ZFAND3: variants seen among roughly 807,000 people sequenced by gnomAD.
ZFAND3 encodes the protein zinc finger AN1-type containing 3, also known as AN1-type zinc finger protein 3.
ZFAND3 carries 10 observed loss-of-function variants against 29.6 expected under a neutral mutation model. That is an observed-to-expected ratio of 0.34 (90% confidence interval 0.21 to 0.57). The LOEUF (loss-of-function observed/expected upper bound fraction) is 0.57. Ranked by LOEUF, ZFAND3 falls within the 20% of genes least tolerant of loss-of-function variation. The pLI is 0.86. For missense variants in ZFAND3, 230 were observed against 304.5 expected (o/e 0.76, Z 1.82); for synonymous variants, 128 against 112.6 (o/e 1.14, Z -0.87).
intron 4 of ZFAND3, among the ~76,000 whole-genome samples, chr6:38,101,623 AATT>A (rs996130753): frequency 3.3e-5 from 5 of 151,830 alleles, no homozygotes; most frequent in African/African-American, 1.2e-4. Flanking sequence ...AAAATACAAA[AATT>A]ACCCGGGCAT....
At chr6:38,030,776 A>G (rs960845736) in intron 2 of ZFAND3, among the ~76,000 whole-genome samples, 1 of 152,036 alleles carries the variant, frequency 6.6e-6, no homozygotes, top group Non-Finnish European at 1.5e-5. Context: ...AAGAAGTACA[A>G]AAAAAAAGAA....
chr6:37,943,357 C>G (rs1561942001), intron 2 of ZFAND3, among the ~76,000 whole-genome samples: 2 of 152,128 alleles, frequency 1.3e-5, no homozygotes, highest in Non-Finnish European at 2.9e-5. Flanking sequence ...CCATCTTCTC[C>G]TCAACACTGT....
chr6:38,036,032 A>G (rs1581858149), intron 2 of ZFAND3, among the ~76,000 whole-genome samples: 1 of 152,168 alleles, frequency 6.6e-6, no homozygotes, highest in Admixed American at 6.5e-5. Context: ...CCTCCAGGAG[A>G]GTGCAGCCAA....
intron 1 of ZFAND3, among the ~76,000 whole-genome samples, chr6:37,877,994 G>A (rs1764824736): frequency 6.6e-6 from 1 of 152,216 alleles, no homozygotes; most frequent in African/African-American, 2.4e-5. Flanking sequence ...AGGAACAACA[G>A]CTGTATCAGT....
chr6:38,008,478 A>G (rs1335582261), intron 2 of ZFAND3, among the ~76,000 whole-genome samples: 1 of 152,174 alleles, frequency 6.6e-6, no homozygotes, highest in Non-Finnish European at 1.5e-5. Context: ...TGAAATGGAA[A>G]CAAAAGTTGG....
At chr6:38,139,609 G>A (rs998038690) in intron 5 of ZFAND3, among the ~76,000 whole-genome samples, 3 of 152,086 alleles carry the variant, frequency 2.0e-5, no homozygotes, top group Non-Finnish European at 2.9e-5. Context: ...AAGGGGAAGC[G>A]GCAGCCAGGG....
intron 5 of ZFAND3, among the ~76,000 whole-genome samples, chr6:38,146,745 G>A (rs973960076): frequency 1.3e-5 from 2 of 152,142 alleles, no homozygotes; most frequent in African/African-American, 4.8e-5. Flanking sequence ...TTTGGGGGGT[G>A]AGCATCCTTT....
At chr6:37,848,458 T>G (rs988883361) in intron 1 of ZFAND3, among the ~76,000 whole-genome samples, 2 of 152,348 alleles carry the variant, frequency 1.3e-5, no homozygotes, top group Non-Finnish European at 2.9e-5. Flanking sequence ...AAATGGAGAA[T>G]CATTAGATTC....
intron 4 of ZFAND3, among the ~76,000 whole-genome samples, chr6:38,097,219 T>C (rs1478611078): frequency 1.3e-5 from 2 of 151,244 alleles, no homozygotes; most frequent in African/African-American, 4.9e-5. Context: ...GGAACCACAG[T>C]CCTGCACCAG....
intron 2 of ZFAND3, among the ~76,000 whole-genome samples, chr6:38,020,566 C>G (rs1201641683): frequency 6.6e-6 from 1 of 152,198 alleles, no homozygotes; most frequent in Non-Finnish European, 1.5e-5. Context: ...TAAAGCAAGA[C>G]AACTATGTAA....
At chr6:38,103,412 C>CAT (rs1428285314) in intron 4 of ZFAND3, among the ~76,000 whole-genome samples, 12 of 146,924 alleles carry the variant, frequency 8.2e-5, no homozygotes, top group African/African-American at 3.1e-4. Context: ...TACACACACA[C>CAT]GTATATACAC....
At chr6:37,975,190 T>G in intron 2 of ZFAND3, among the ~76,000 whole-genome samples, 1 of 152,342 alleles carries the variant, frequency 6.6e-6, no homozygotes, top group South Asian at 2.1e-4. Flanking sequence ...CTAATAGGTG[T>G]GTACTGATTC....
intron 2 of ZFAND3, among the ~76,000 whole-genome samples, chr6:38,053,904 T>C (rs1194300623): frequency 6.6e-6 from 1 of 152,034 alleles, no homozygotes; most frequent in Non-Finnish European, 1.5e-5. Flanking sequence ...AATGTTGATA[T>C]CATCTGATGA....
chr6:37,987,318 A>C (rs1350995687), intron 2 of ZFAND3, among the ~76,000 whole-genome samples: 1 of 152,226 alleles, frequency 6.6e-6, no homozygotes, highest in Non-Finnish European at 1.5e-5. Context: ...GAATTTGCTC[A>C]AGAAGTCCTC....
chr6:38,065,426 A>C (rs965080768), intron 3 of ZFAND3, among the ~76,000 whole-genome samples: 9 of 152,160 alleles, frequency 5.9e-5, no homozygotes, highest in African/African-American at 1.9e-4. Flanking sequence ...TCAGGAGGAG[A>C]ATGATAGTGG....
In ZFAND3 at chr6:37,931,566, A is replaced by C. The variant is rs190419845; in HGVS notation, c.112+1567A>C. On this transcript the variant is annotated intron_variant, in intron 2 of 5. Transcript: ENST00000287218. Reference sequence around the variant, plus strand: ...TCAAAAAAAAAAAAACAAAAAAAAAACCAACCAAACAAAAAAAAGAAATGT... The same window carrying C: ...TCAAAAAAAAAAAAACAAAAAAAAACCCAACCAAACAAAAAAAAGAAATGT... Among the ~76,000 whole-genome samples, 96 of 151,640 alleles carry C rather than the reference A, an allele frequency of 6.3e-4. No individual in the cohort carries two copies. The East Asian group carries it at 0.014, about 21-fold the overall frequency.
intron 4 of ZFAND3, among the ~76,000 whole-genome samples, chr6:38,105,415 T>A (rs551751864): frequency 2.8e-4 from 43 of 152,210 alleles, no homozygotes; most frequent in East Asian, 7.7e-4. Flanking sequence ...TTAAAAAAAA[T>A]TTTTTTAATG....
intron 1 of ZFAND3, among the ~76,000 whole-genome samples, chr6:37,869,244 A>G (rs1372082696): frequency 6.6e-6 from 1 of 151,990 alleles, no homozygotes; most frequent in Admixed American, 6.6e-5. Context: ...CACTGCTGCA[A>G]CCTCCACCTC....
chr6:38,029,208 CTT>C (rs1201585552), intron 2 of ZFAND3, among the ~76,000 whole-genome samples: 1 of 152,164 alleles, frequency 6.6e-6, no homozygotes, highest in Non-Finnish European at 1.5e-5. Flanking sequence ...TTATAAAACA[CTT>C]TTGAAATGTC....
Sources: gnomAD v4.1 joint callset for allele counts (sites outside exome capture counted in the v4.1 genomes callset) on GRCh38, gnomAD v4.1.1 for gene constraint, MANE v1.5 for transcripts, NCBI Gene and HGNC (gene_info 2026-07-23, HGNC 2026-07-21) for gene names.